NUP210L: variants seen among roughly 807,000 people sequenced by gnomAD.
The protein encoded by NUP210L is nucleoporin 210 like, also known as nuclear pore membrane glycoprotein 210-like.
NUP210L carries 74 observed loss-of-function variants against 208.5 expected under a neutral mutation model. The ratio of observed to expected loss-of-function variants is 0.35; its 90% confidence interval spans 0.29 to 0.43. The LOEUF (loss-of-function observed/expected upper bound fraction) is 0.43, where lower values mean the gene tolerates loss of function less well. Ranked by LOEUF, NUP210L falls within the 20% of genes least tolerant of loss-of-function variation. The probability of loss-of-function intolerance (pLI) is 1.00; values close to 1 mark genes in which losing one functional copy is unlikely to be tolerated. For synonymous variants in NUP210L, 780 were observed against 816.9 expected (o/e 0.95, Z 0.77); for missense variants, 1,843 against 2,289.4 (o/e 0.81, Z 3.98).
rs754015372 is a variant in NUP210L, at chr1:154,056,904, G to A, written c.3151C>T (p.Arg1051Ter). ...GTGGTTTGCCCAATAGTGGTAGCTC[G>A]AAGAATATAATTTTCAGAGTATTCG... The change falls in exon 23 of 40, where the codon CGA becomes TGA. Residue 1051 changes from arginine (R) to a stop codon, truncating the protein, a stop_gained. Coordinates refer to ENST00000368559, the Ensembl canonical transcript of NUP210L. LOFTEE classifies it high-confidence loss of function. The A allele has an allele frequency of 1.2e-6, 2 of 1,609,474 alleles. No homozygotes were observed. The highest frequency in any genetic ancestry group is 1.7e-6 in the Non-Finnish European group (2 of 1,178,530).
At chr1:154,103,699 A>C (rs1291168050) in intron 13 of NUP210L, among the ~76,000 whole-genome samples, 4 of 151,364 alleles carry the variant, frequency 2.6e-5, no homozygotes, top group Non-Finnish European at 2.9e-5. Context: ...GAAAAAAAAA[A>C]ACAAAAGCGA....
chr1:154,115,506 T>C (rs935517171), intron 12 of NUP210L, among the ~76,000 whole-genome samples: 2 of 152,228 alleles, frequency 1.3e-5, no homozygotes, highest in African/African-American at 2.4e-5. Flanking sequence ...AAAAGTCTTA[T>C]TGAAGTTCCC....
chr1:154,143,087 C>CTGAA (rs1031057552), intron 3 of NUP210L, among the ~76,000 whole-genome samples: 3 of 151,600 alleles, frequency 2.0e-5, no homozygotes, highest in Non-Finnish European at 2.9e-5. Context: ...ACCCAGGAGG[C>CTGAA]TGAAGCAGGA....
At chr1:154,077,917 G>A (rs184309230) in intron 16 of NUP210L, among the ~76,000 whole-genome samples, 13 of 152,122 alleles carry the variant, frequency 8.5e-5, no homozygotes, top group Admixed American at 3.9e-4. Context: ...CCCAGGAGGC[G>A]GAGGTTGCAG....
intron 2 of NUP210L, among the ~76,000 whole-genome samples, chr1:154,149,120 T>C (rs1161269644): frequency 8.4e-6 from 1 of 118,732 alleles, no homozygotes; most frequent in Non-Finnish European, 1.7e-5. Flanking sequence ...AGTTTTGCTC[T>C]TGTCGCCCAG....
At chr1:154,042,032 C>G (rs1374991981) in intron 27 of NUP210L, among the ~76,000 whole-genome samples, 5 of 152,052 alleles carry the variant, frequency 3.3e-5, no homozygotes, top group Non-Finnish European at 7.4e-5. Flanking sequence ...ATGAACCTCT[C>G]AATGTTGGCA....
At chr1:154,029,375 C>CAA (rs57790370) in intron 28 of NUP210L, among the ~76,000 whole-genome samples, 59 of 44,046 alleles carry the variant, frequency 1.3e-3, no homozygotes, top group African/African-American at 4.8e-3. Flanking sequence ...AAGACTGTCT[C>CAA]AAAAAAAAAA....
chr1:154,086,150 T>C (rs1655609689), intron 16 of NUP210L, among the ~76,000 whole-genome samples: 1 of 150,246 alleles, frequency 6.7e-6, no homozygotes, highest in Non-Finnish European at 1.5e-5. Flanking sequence ...AGGCAGAGAT[T>C]GCAGTGAGCC....
intron 16 of NUP210L, among the ~76,000 whole-genome samples, chr1:154,077,771 G>A (rs912939949): frequency 3.7e-4 from 56 of 152,216 alleles, no homozygotes; most frequent in African/African-American, 1.3e-3. Flanking sequence ...GATCACCTGA[G>A]GTCAGAAGTT....
At chr1:154,016,309 T>TTG (rs2147917957) in intron 33 of NUP210L, among the ~76,000 whole-genome samples, 1 of 151,748 alleles carries the variant, frequency 6.6e-6, no homozygotes, top group South Asian at 2.1e-4. Context: ...ACACAAAAAG[T>TTG]TGTAGCTACC....
chr1:154,117,955 G>C (rs1471761520), intron 11 of NUP210L, 75 bp from the exon 12 acceptor site: 2 of 1,017,280 alleles, frequency 2.0e-6, no homozygotes, highest in Non-Finnish European at 3.0e-6. Context: ...AACTTGACTG[G>C]TGAAATAAAG....
At chr1:154,150,465 C>T (rs374623819) in intron 2 of NUP210L, among the ~76,000 whole-genome samples, 7 of 152,134 alleles carry the variant, frequency 4.6e-5, no homozygotes, top group African/African-American at 1.4e-4. Context: ...CAGTGGCTCA[C>T]GCCTGTAATC....
intron 7 of NUP210L, among the ~76,000 whole-genome samples, chr1:154,131,281 A>G (rs929056163): frequency 1.3e-5 from 2 of 151,818 alleles, no homozygotes; most frequent in Non-Finnish European, 2.9e-5. Context: ...CAAAAAAAAA[A>G]AAAAGAAAAG....
intron 30 of NUP210L, among the ~76,000 whole-genome samples, 185 bp downstream of exon 30, chr1:154,025,355 CTT>C (rs11326284): frequency 0.25 from 32,041 of 125,708 alleles, 3,675 homozygotes; most frequent in Admixed American, 0.35. Context: ...TCTTCTTCTC[CTT>C]TTTTTTTTTT....
chr1:154,135,759 T>G (rs1658501389), intron 7 of NUP210L, 55 bp downstream of exon 7: 1 of 1,458,676 alleles, frequency 6.9e-7, no homozygotes, highest in Non-Finnish European at 9.6e-7. Flanking sequence ...AAAGAACATG[T>G]CTAGGATGCT....
chr1:154,053,016 G>T (rs1832582), intron 25 of NUP210L, among the ~76,000 whole-genome samples: 1 of 152,058 alleles, frequency 6.6e-6, no homozygotes, highest in African/African-American at 2.4e-5. Context: ...GATATGGCCC[G>T]CTCTAGGGGC....
chr1:153,994,632 C>T (rs1649715424), intron 38 of NUP210L, among the ~76,000 whole-genome samples: 3 of 151,968 alleles, frequency 2.0e-5, no homozygotes, highest in Non-Finnish European at 2.9e-5. Context: ...TTTAATCCAC[C>T]ACGTTACTAG....
chr1:154,128,553 A>G (rs1299059376), intron 8 of NUP210L, among the ~76,000 whole-genome samples: 2 of 151,914 alleles, frequency 1.3e-5, no homozygotes, highest in Admixed American at 6.6e-5. Flanking sequence ...CATCTCAGGT[A>G]TAAAGAAACA....
intron 24 of NUP210L, 73 bp from the exon 25 acceptor site, chr1:154,054,480 C>T (rs1653699893): frequency 1.4e-6 from 2 of 1,460,896 alleles, no homozygotes; most frequent in Non-Finnish European, 9.5e-7. Flanking sequence ...AACATTTTGT[C>T]CAAGCAACTT....
Sources: allele counts gnomAD v4.1 joint callset (sites outside exome capture counted in the v4.1 genomes callset), GRCh38; gene constraint gnomAD v4.1.1; transcripts MANE v1.5; gene names NCBI Gene and HGNC (gene_info 2026-07-23, HGNC 2026-07-21).